The following COL13A1 variants were observed in gnomAD, a reference collection of about 807,000 sequenced individuals.
COL13A1 encodes the protein collagen alpha-1(XIII) chain.
A neutral mutation model predicts 130.9 loss-of-function variants in COL13A1; 89 were observed. The observed-to-expected ratio is 0.68, with a 90% CI of 0.57 to 0.81. The LOEUF is 0.81. Among genes scored for constraint, COL13A1 ranks in the 30% least tolerant of loss-of-function variants. The probability of loss-of-function intolerance (pLI) is 0.00; values close to 1 mark genes in which losing one functional copy is unlikely to be tolerated. For synonymous variants in COL13A1, 402 were observed against 341.6 expected (o/e 1.18, Z -1.95); for missense variants, 879 against 934.6 (o/e 0.94, Z 0.78).
intron 2 of COL13A1, among the ~76,000 whole-genome samples, chr10:69,837,154 G>A (rs1480334330): frequency 6.6e-6 from 1 of 152,198 alleles, no homozygotes. Flanking sequence ...TTAGAACCTG[G>A]ATGTGAGTCC....
At chr10:69,874,656 G>A (rs2059406592) in intron 4 of COL13A1, among the ~76,000 whole-genome samples, 1 of 152,188 alleles carries the variant, frequency 6.6e-6, no homozygotes, top group Admixed American at 6.5e-5. Flanking sequence ...CTGGGGAGGA[G>A]CACTGCTCTC....
chr10:69,897,304 G>A (rs1396079031), intron 13 of COL13A1, among the ~76,000 whole-genome samples: 1 of 152,108 alleles, frequency 6.6e-6, no homozygotes, highest in Non-Finnish European at 1.5e-5. Flanking sequence ...GGCAGGTCTC[G>A]GGGCCTGGAA....
Position 69,884,482 on chromosome 10 carries a change from C to T in COL13A1, c.514-2974C>T, listed in dbSNP as rs1026072400. The stretch of plus-strand genomic sequence containing the variant: ...GGGTCAAATAAGAGAAGGGAGACTT[C>T]TTGGTAGGCTTTTTCCAACAAGAAT... On this transcript the variant is annotated intron_variant, in intron 7 of 40. Coordinates refer to ENST00000645393, the MANE Select transcript of COL13A1 (RefSeq NM_001368882.1). Among the ~76,000 whole-genome samples the T allele has an allele frequency of 2.0e-5, 3 of 152,152 alleles. 1 individual carries two copies. The highest frequency in any genetic ancestry group is 7.2e-5 in the African/African-American group (3 of 41,430).
intron 10 of COL13A1, among the ~76,000 whole-genome samples, chr10:69,890,109 G>A (rs1332425043): frequency 6.6e-6 from 1 of 152,040 alleles, no homozygotes; most frequent in East Asian, 1.9e-4. Context: ...AGTGCCTCAG[G>A]CCCCAAAAAG....
intron 2 of COL13A1, among the ~76,000 whole-genome samples, chr10:69,852,873 G>C (rs1564847204): frequency 6.6e-6 from 1 of 152,236 alleles, no homozygotes; most frequent in East Asian, 1.9e-4. Flanking sequence ...GCTGGGCCTG[G>C]GGCTGCGGCT....
chr10:69,881,840 A>G (rs1319063358), intron 7 of COL13A1, among the ~76,000 whole-genome samples: 1 of 152,174 alleles, frequency 6.6e-6, no homozygotes, highest in Non-Finnish European at 1.5e-5. Flanking sequence ...TTTACAGATG[A>G]GGAAACTGAG....
chr10:69,936,940 C>T (rs1036756685), intron 33 of COL13A1, among the ~76,000 whole-genome samples, 158 bp downstream of exon 33: 1 of 152,238 alleles, frequency 6.6e-6, no homozygotes, highest in Non-Finnish European at 1.5e-5. Flanking sequence ...TTCCCTTTAG[C>T]ATCCATCATT....
chr10:69,881,460 A>C (rs1043982167), intron 7 of COL13A1, among the ~76,000 whole-genome samples: 1 of 152,234 alleles, frequency 6.6e-6, no homozygotes, highest in African/African-American at 2.4e-5. Context: ...TGAGACCCAC[A>C]GCAGAGGGAG....
chr10:69,820,981 C>G (rs1481782561), intron 1 of COL13A1, among the ~76,000 whole-genome samples: 1 of 152,216 alleles, frequency 6.6e-6, no homozygotes, highest in African/African-American at 2.4e-5. Context: ...ATGACACCTC[C>G]CATATTACTT....
At position 69,842,225 on chromosome 10, in the gene COL13A1, C is replaced by G. The variant is rs577672579; in HGVS notation, c.364+19787C>G. Among the ~76,000 whole-genome samples, 14 of 152,292 alleles carry G rather than the reference C, an allele frequency of 9.2e-5. No individual in the cohort carries two copies. The South Asian group carries it at 1.7e-3, about 18-fold the overall frequency. ...GATCTGAAGCTTTCATAAGGGGAAACCCCTTTCACTTGATTCTCATTTCTC... is the reference window on the plus strand; with the variant it reads ...GATCTGAAGCTTTCATAAGGGGAAAGCCCTTTCACTTGATTCTCATTTCTC... On this transcript the variant is annotated intron_variant, in intron 2 of 40. Coordinates refer to ENST00000645393, the MANE Select transcript of COL13A1 (RefSeq NM_001368882.1).
intron 7 of COL13A1, among the ~76,000 whole-genome samples, chr10:69,886,954 G>T (rs1369906883): frequency 6.6e-6 from 1 of 152,222 alleles, no homozygotes; most frequent in Admixed American, 6.5e-5. Flanking sequence ...GCTGGCTAGA[G>T]TGAGAGGAAC....
chr10:69,890,206 T>TC (rs1248652726), intron 10 of COL13A1, among the ~76,000 whole-genome samples: 1 of 152,068 alleles, frequency 6.6e-6, no homozygotes, highest in Non-Finnish European at 1.5e-5. Flanking sequence ...CCACAGACCA[T>TC]CCCTTCCAGA....
intron 38 of COL13A1, among the ~76,000 whole-genome samples, chr10:69,949,309 A>C (rs913942426): frequency 6.6e-5 from 10 of 152,186 alleles, no homozygotes; most frequent in African/African-American, 2.4e-4. Context: ...CAGCCTCCTG[A>C]GTAGTTGGAA....
At chr10:69,891,096 G>A (rs961488422) in intron 10 of COL13A1, among the ~76,000 whole-genome samples, 2 of 152,136 alleles carry the variant, frequency 1.3e-5, no homozygotes, top group Non-Finnish European at 2.9e-5. Flanking sequence ...AGGTGCTAGG[G>A]ATACAGACGG....
At chr10:69,832,625 G>A (rs938033700) in intron 2 of COL13A1, among the ~76,000 whole-genome samples, 7 of 152,186 alleles carry the variant, frequency 4.6e-5, no homozygotes, top group Non-Finnish European at 1.0e-4. Context: ...TAAATAAAGG[G>A]CTGTGGACAG....
chr10:69,862,682 T>A (rs1424457593), intron 2 of COL13A1, among the ~76,000 whole-genome samples: 1 of 152,172 alleles, frequency 6.6e-6, no homozygotes, highest in Non-Finnish European at 1.5e-5. Flanking sequence ...TGTGCCTCCT[T>A]CAAGCTTCGG....
intron 13 of COL13A1, chr10:69,897,560 C>T: frequency 6.2e-7 from 1 of 1,611,724 alleles, no homozygotes. Flanking sequence ...GTCTCCGGGC[C>T]CCTCTCCACT....
At chr10:69,879,214 T>C (rs759604610) in intron 6 of COL13A1, among the ~76,000 whole-genome samples, 39 of 152,212 alleles carry the variant, frequency 2.6e-4, no homozygotes, top group Non-Finnish European at 2.6e-4. Flanking sequence ...CTGGGGCTCC[T>C]AGCTACCATG....
intron 1 of COL13A1, among the ~76,000 whole-genome samples, chr10:69,821,604 G>C (rs1846091469): frequency 6.6e-6 from 1 of 152,234 alleles, no homozygotes; most frequent in Non-Finnish European, 1.5e-5. Flanking sequence ...CCTGGCTCTA[G>C]AAATATCCCT....
Sources: allele counts gnomAD v4.1 joint callset (sites outside exome capture counted in the v4.1 genomes callset), GRCh38; gene constraint gnomAD v4.1.1; transcripts MANE v1.5; gene names NCBI Gene and HGNC (gene_info 2026-07-23, HGNC 2026-07-21).